The following DYNC2H1 variants were observed in gnomAD, a reference collection of about 807,000 sequenced individuals.
DYNC2H1 encodes the protein dynein cytoplasmic 2 heavy chain 1.
A neutral mutation model predicts 570.0 loss-of-function variants in DYNC2H1; 410 were observed. The ratio of observed to expected loss-of-function variants is 0.72; its 90% CI spans 0.66 to 0.78. DYNC2H1 has a LOEUF of 0.78. DYNC2H1 is among the 30% of genes least tolerant of loss of function. DYNC2H1 has a pLI of 0.00. For synonymous variants in DYNC2H1, 1,688 were observed against 1,677.6 expected (o/e 1.01, Z -0.15); for missense variants, 4,865 against 5,046.4 (o/e 0.96, Z 1.09).
chr11:103,181,606 A>G lies in DYNC2H1; in HGVS notation c.6348-151A>G. On this transcript the variant is annotated intron_variant, in intron 39 of 88. Coordinates refer to ENST00000375735, the MANE Select transcript of DYNC2H1 (RefSeq NM_001377.3). The surrounding 1 kb of genome is among the most constrained non-coding windows in gnomAD (Gnocchi z 5.0). The stretch of plus-strand genomic sequence containing the variant: ...ACACAGATGTAATTGTATTATTCAC[A>G]CATACTCATAGTAAAGTAACTAAAG... The G allele has an allele frequency of 4.4e-6, 3 of 686,060 alleles. No homozygotes were observed. The Admixed American group carries it at 9.1e-5, about 21-fold the overall frequency. The allele number at this position is 686,060 out of a possible 1,614,324, so 42.5% of individuals were successfully genotyped here. A position where few individuals can be genotyped will look rare whatever the true frequency, so the allele number is the denominator to read the frequency against.
chr11:103,399,702 G>A lies in DYNC2H1; in HGVS notation c.12196G>A (p.Asp4066Asn), dbSNP rs754751572. The change falls in exon 84 of 89, where the codon GAT (aspartate) becomes AAT (asparagine). Residue 4066 changes from aspartate to asparagine, a missense_variant. By Grantham distance (23) the Asp-to-Asn change is conservative (BLOSUM62 1). Transcript: ENST00000375735. ...LIHQKVPPPN[D>N]RQGSPILSFI... ...ACATCAGAAAGTGCCTCCTCCTAAC[G>A]ATCGACAAGGATCTCCAATACTGTC... 6.5e-5 allele frequency: 105 copies of A among 1,613,306 alleles called. No individual in the cohort carries two copies. The highest frequency in any genetic ancestry group is 7.0e-5 in the Non-Finnish European group (83 of 1,179,664).
At position 103,397,614 on chromosome 11, in the gene DYNC2H1, G is replaced by C. The variant is rs541955568; in HGVS notation, c.12157-2049G>C. 3.9e-5 allele frequency among the ~76,000 whole-genome samples: 6 copies of C among 152,324 alleles called. No homozygotes were observed. The East Asian group carries it at 1.2e-3, about 29-fold the overall frequency. On this transcript the variant is annotated intron_variant, in intron 83 of 88. Transcript: ENST00000375735. ...TAAATCAACCTTTTAAAAAGTTTAG[G>C]CTGGACATGGTGGCTCATGCCTGTA...
Position 103,122,929 on chromosome 11 carries a change from T to C in DYNC2H1, c.1590T>C (p.Tyr530=), listed in dbSNP as rs1446847084. Residue 530 remains tyrosine (Y), a synonymous_variant, in exon 11 of 89, where the codon TAT becomes TAC. Coordinates refer to ENST00000375735, the MANE Select transcript of DYNC2H1 (RefSeq NM_001377.3). The part of the protein sequence containing the change: ...AKDLLDQLKL[Y]EQEQFDDWSR... Reference sequence around the variant, plus strand: ...ATCTCTTAGACCAGCTTAAACTATATGAACAGGAACAATTTGATGATTGGT... The same window carrying C: ...ATCTCTTAGACCAGCTTAAACTATACGAACAGGAACAATTTGATGATTGGT... 6.2e-7 allele frequency: 1 copy of C among 1,611,482 alleles called. No homozygotes were observed. The highest frequency in any genetic ancestry group is 8.5e-7 in the Non-Finnish European group (1 of 1,178,588).
intron 80 of DYNC2H1, among the ~76,000 whole-genome samples, chr11:103,320,303 A>G (rs12290789): frequency 0.16 from 24,989 of 152,056 alleles, 2,243 homozygotes; most frequent in Admixed American, 0.26. Context: ...TCAGGAGGCT[A>G]AGGCAGGAGA....
chr11:103,278,921 T>C (rs1014065969), intron 70 of DYNC2H1, among the ~76,000 whole-genome samples: 2 of 152,212 alleles, frequency 1.3e-5, no homozygotes, highest in Admixed American at 1.3e-4. Context: ...GAAATACTTG[T>C]TATCCACCTG....
rs773107667 is a variant in DYNC2H1 at position 103,199,247 on chromosome 11, G to C, written c.7859G>C (p.Arg2620Pro). 1 of 1,587,318 alleles carries C rather than the reference G, an allele frequency of 6.3e-7. No individual in the cohort carries two copies. The highest frequency in any genetic ancestry group is 1.7e-5 in the Admixed American group (1 of 57,534). ...TAAAAGGGTCTTATTCATTATGGAC[G>C]AGATAACCAGAATTTAGACATTTTA... The part of the protein sequence containing the change: ...VIKKGLIHYG[R>P]DNQNLDILLF... Residue 2620 changes from arginine (R) to proline (P), a missense_variant, in exon 49 of 89, where the codon CGA becomes CCA. Coordinates refer to ENST00000375735, the MANE Select transcript of DYNC2H1 (RefSeq NM_001377.3). This position sits in a 1 kb window ranked among gnomAD's most constrained non-coding sequence, Gnocchi z 4.6.
chr11:103,223,656 G>T (rs1483396420), intron 59 of DYNC2H1, among the ~76,000 whole-genome samples: 1 of 152,164 alleles, frequency 6.6e-6, no homozygotes, highest in Non-Finnish European at 1.5e-5. Flanking sequence ...AAAGTGCTGG[G>T]ATTACAGGTG....
intron 82 of DYNC2H1, among the ~76,000 whole-genome samples, chr11:103,350,606 T>G (rs1489172232): frequency 3.3e-5 from 5 of 152,170 alleles, no homozygotes; most frequent in Non-Finnish European, 7.4e-5. Flanking sequence ...ACAAATTGAG[T>G]GGCTTAAACA....
At chr11:103,137,612 T>C (rs11225562) in intron 17 of DYNC2H1, among the ~76,000 whole-genome samples, 8,386 of 151,878 alleles carry the variant, frequency 0.055, 262 homozygotes, top group Non-Finnish European at 0.067. Context: ...CAGTACCATG[T>C]TGTTTTGGTT....
In DYNC2H1 at chr11:103,177,901, C is replaced by G. The variant is rs1412235865; in HGVS notation, c.6139+81C>G. 7.0e-7 allele frequency: 1 copy of G among 1,434,502 alleles called. No individual in the cohort carries two copies. Among genetic ancestry groups the G allele is most frequent in the Non-Finnish European group, 9.3e-7 (1 of 1,077,872 alleles). 88.9% of individuals were successfully genotyped at this position (1,434,502 alleles called of 1,614,324 possible). On this transcript the variant is annotated intron_variant, in intron 38 of 88. Coordinates refer to ENST00000375735, the MANE Select transcript of DYNC2H1 (RefSeq NM_001377.3). This position sits in a 1 kb window ranked among gnomAD's most constrained non-coding sequence, Gnocchi z 4.4. ...AATTTGTCTATAATGCTGTCTTTGT[C>G]AAGACTTCTACATGACCATAAAGTC...
Position 103,133,762 on chromosome 11 carries a change from A to C in DYNC2H1, c.2106+55A>C. 3 of 1,454,412 alleles carry C rather than the reference A, an allele frequency of 2.1e-6. No individual in the cohort carries two copies. In the South Asian group the frequency reaches 4.1e-5, roughly 20 times the overall value. The allele number at this position is 1,454,412 out of a possible 1,614,324, so 90.1% of individuals were successfully genotyped here. A position where few individuals can be genotyped will look rare whatever the true frequency, so the allele number is the denominator to read the frequency against. On this transcript the variant is annotated intron_variant, in intron 14 of 88. Transcript: ENST00000375735. The surrounding 1 kb of genome is among the most constrained non-coding windows in gnomAD (Gnocchi z 4.8). Reference sequence around the variant, plus strand: ...TATGAATGATATTATTTAAAAAGTCATTAAGATACAATTTTTAAAAACTTA... The same window carrying C: ...TATGAATGATATTATTTAAAAAGTCCTTAAGATACAATTTTTAAAAACTTA...
rs1336899478 is a variant in DYNC2H1, at chr11:103,189,647, T to C, written c.7293-25T>C. The C allele has an allele frequency of 6.2e-7, 1 of 1,606,398 alleles. No individual in the cohort carries two copies. Among genetic ancestry groups the C allele is most frequent in the Admixed American group, 1.7e-5 (1 of 59,108 alleles). ...TTGGAATACTGATTTATTTCAGCTTTCTTCTTATATGCCATTTTTTTTAGT... is the reference window on the plus strand; with the variant it reads ...TTGGAATACTGATTTATTTCAGCTTCCTTCTTATATGCCATTTTTTTTAGT... On this transcript the variant is annotated intron_variant, in intron 44 of 88. Transcript: ENST00000375735. This position sits in a 1 kb window ranked among gnomAD's most constrained non-coding sequence, Gnocchi z 4.3.
chr11:103,232,257 A>G (rs1310821574), intron 60 of DYNC2H1, among the ~76,000 whole-genome samples: 1 of 151,900 alleles, frequency 6.6e-6, no homozygotes, highest in African/African-American at 2.4e-5. Flanking sequence ...TATTTCTTTA[A>G]TCCTTAAAAC....
rs916485481 is a variant in DYNC2H1, at chr11:103,245,766, A to G, written c.10042+392A>G. 6.6e-6 allele frequency among the ~76,000 whole-genome samples: 1 copy of G among 152,104 alleles called. No homozygotes were observed. The highest frequency in any genetic ancestry group is 1.9e-4 in the East Asian group (1 of 5,194). ...AAAGCTAAGTTCCCAGGTGCTGGTTATGGGCCAACTTTACAAGTAGCCCTT... is the reference window on the plus strand; with the variant it reads ...AAAGCTAAGTTCCCAGGTGCTGGTTGTGGGCCAACTTTACAAGTAGCCCTT... On this transcript the variant is annotated intron_variant, in intron 65 of 88. Transcript: ENST00000375735. This position sits in a 1 kb window ranked among gnomAD's most constrained non-coding sequence, Gnocchi z 4.5.
chr11:103,450,289 T>C (rs1358640193), intron 85 of DYNC2H1, among the ~76,000 whole-genome samples: 2 of 152,134 alleles, frequency 1.3e-5, no homozygotes, highest in Non-Finnish European at 2.9e-5. Flanking sequence ...TCTCAGTAAC[T>C]GAAAGGATAA....
Position 103,204,988 on chromosome 11 carries a change from A to T in DYNC2H1, c.8454+24A>T. ...AAGTAAGTTTAACAAATATTAAAAA[A>T]TTTAAAAGCACATTTTATTTTTGAA... On this transcript the variant is annotated intron_variant, in intron 52 of 88. Transcript: ENST00000375735. This position sits in a 1 kb window ranked among gnomAD's most constrained non-coding sequence, Gnocchi z 4.1. The T allele has an allele frequency of 1.3e-6, 2 of 1,536,350 alleles. No homozygotes were observed. Among genetic ancestry groups the T allele is most frequent in the East Asian group, 2.5e-5 (1 of 40,684 alleles).
At position 103,244,801 on chromosome 11, in the gene DYNC2H1, G is replaced by A. The variant is rs1052889927; in HGVS notation, c.9919-450G>A. Among the ~76,000 whole-genome samples, 4 of 148,376 alleles carry A rather than the reference G, an allele frequency of 2.7e-5. No individual in the cohort carries two copies. Among genetic ancestry groups the A allele is most frequent in the African/African-American group, 9.9e-5 (4 of 40,542 alleles). On this transcript the variant is annotated intron_variant, in intron 64 of 88. Transcript: ENST00000375735. The surrounding 1 kb of genome is among the most constrained non-coding windows in gnomAD (Gnocchi z 4.3). Reference sequence around the variant, plus strand: ...CATATAAGTACTATATCTATATATAGTCATAGTTATAGACATATAAGTAAC... The same window carrying A: ...CATATAAGTACTATATCTATATATAATCATAGTTATAGACATATAAGTAAC...
intron 82 of DYNC2H1, among the ~76,000 whole-genome samples, chr11:103,348,974 T>G (rs11225739): frequency 6.6e-6 from 1 of 152,286 alleles, no homozygotes; most frequent in East Asian, 1.9e-4. Context: ...TTGCTTCCCC[T>G]TCCACCATGA....
At chr11:103,142,307 C>A (rs945676405) in intron 17 of DYNC2H1, among the ~76,000 whole-genome samples, 1 of 152,190 alleles carries the variant, frequency 6.6e-6, no homozygotes, top group Admixed American at 6.5e-5. Context: ...GCGTCGCCCA[C>A]GCTGGGAACT....
Sources: gnomAD v4.1 joint callset for allele counts (sites outside exome capture counted in the v4.1 genomes callset) on GRCh38, gnomAD v4.1.1 for gene constraint, Gnocchi (gnomAD v3.1) non-coding constraint, MANE v1.5 for transcripts, NCBI Gene and HGNC (gene_info 2026-07-23, HGNC 2026-07-21) for gene names.